The following FHIP2B variants were observed in gnomAD, a reference collection of about 807,000 sequenced individuals.
FHIP2B encodes FHF complex subunit HOOK interacting protein 2B, also known as FHF complex subunit HOOK-interacting protein 2B.
A neutral mutation model predicts 84.0 loss-of-function variants in FHIP2B; 72 were observed. The observed-to-expected ratio is 0.86, with a 90% confidence interval of 0.71 to 1.04. FHIP2B has a LOEUF of 1.04. Ranked by LOEUF, FHIP2B falls within the 50% of genes least tolerant of loss-of-function variation. The pLI is 0.00. For synonymous variants in FHIP2B, 497 were observed against 418.7 expected (o/e 1.19, Z -2.28); for missense variants, 972 against 968.9 (o/e 1.00, Z -0.04).
rs1230190702 is a variant in FHIP2B, at chr8:22,089,169, G to A, written c.-85G>A. 3 of 902,148 alleles carry A rather than the reference G, an allele frequency of 3.3e-6. No homozygotes were observed. The highest frequency in any genetic ancestry group is 8.1e-5 in the East Asian group (1 of 12,368). The allele number at this position is 902,148 out of a possible 1,614,324, so 55.9% of individuals were successfully genotyped here. ...GGCCCCGCCCCCCTCGTCGCGCCGG[G>A]GCCGCCGGGGCCACGGGGCTGCCTC... On this transcript the variant is annotated 5_prime_UTR_variant, in exon 1 of 17. Coordinates refer to ENST00000289921, the MANE Select transcript of FHIP2B (RefSeq NM_022749.7).
chr8:22,092,184 C>T (rs1825526582), intron 1 of FHIP2B, among the ~76,000 whole-genome samples: 1 of 152,198 alleles, frequency 6.6e-6, no homozygotes, highest in South Asian at 2.1e-4. Context: ...GAATGTCATC[C>T]CTCCCTCCCC....
In FHIP2B at chr8:22,096,607, G is replaced by A. The variant is rs1373842531; in HGVS notation, c.297+98G>A. 6.4e-6 allele frequency: 9 copies of A among 1,395,534 alleles called. No homozygotes were observed. The East Asian group carries it at 1.1e-4, about 17-fold the overall frequency. The allele number at this position is 1,395,534 out of a possible 1,614,324, so 86.4% of individuals were successfully genotyped here. A position where few individuals can be genotyped will look rare whatever the true frequency, so the allele number is the denominator to read the frequency against. On this transcript the variant is annotated intron_variant, in intron 3 of 16. Transcript: ENST00000289921. ...AGGCCTCTGTGCGCTGGGCCAGGCC[G>A]AGGTGGGAGACCCTCTGAGTGCTGG...
chr8:22,099,379 C>T lies in FHIP2B; in HGVS notation c.1151+19C>T, dbSNP rs1469708315. 1 of 1,611,824 alleles carries T rather than the reference C, an allele frequency of 6.2e-7. No individual in the cohort carries two copies. Among genetic ancestry groups the T allele is most frequent in the East Asian group, 2.2e-5 (1 of 44,856 alleles). On this transcript the variant is annotated intron_variant, in intron 9 of 16. Transcript: ENST00000289921. Reference sequence around the variant, plus strand: ...TGCACGTGTAAGTGTCTAGTTCCCTCAGGCATGACTGTGGTCTACAGTAAA... The same window carrying T: ...TGCACGTGTAAGTGTCTAGTTCCCTTAGGCATGACTGTGGTCTACAGTAAA...
intron 2 of FHIP2B, 180 bp downstream of exon 2, chr8:22,094,698 A>G: frequency 1.4e-6 from 2 of 1,421,164 alleles, no homozygotes; most frequent in Admixed American, 3.3e-5. Context: ...GGGCCACTCC[A>G]CTCCTGATGA....
intron 1 of FHIP2B, among the ~76,000 whole-genome samples, chr8:22,091,885 C>G (rs1386938825): frequency 1.3e-5 from 2 of 152,168 alleles, no homozygotes; most frequent in African/African-American, 2.4e-5. Flanking sequence ...CCTGAGATAT[C>G]TGGTAAATAT....
intron 1 of FHIP2B, among the ~76,000 whole-genome samples, chr8:22,093,861 G>T (rs1040210522): frequency 1.3e-5 from 2 of 151,650 alleles, no homozygotes; most frequent in African/African-American, 4.9e-5. Flanking sequence ...GGGACTATAG[G>T]CAGACACCAC....
chr8:22,101,798 G>A lies in FHIP2B; in HGVS notation c.1798G>A (p.Glu600Lys), dbSNP rs755430821. The A allele has an allele frequency of 6.2e-6, 10 of 1,613,518 alleles. No homozygotes were observed. The highest frequency in any genetic ancestry group is 2.7e-5 in the African/African-American group (2 of 75,014). Residue 600 changes from glutamate to lysine, a missense_variant, in exon 14 of 17, where the codon GAG becomes AAG. Transcript: ENST00000289921. ...DPHEPERPFFEGHFLRVLFDR... is the reference protein window; with the variant it reads ...DPHEPERPFFKGHFLRVLFDR... ...CCATGAGCCCGAGCGACCTTTCTTC[G>A]AGGGCCACTTCCTCCGAGTGCTGTT...
In FHIP2B at chr8:22,089,281, C is replaced by T. The variant is rs896371231; in HGVS notation, c.28C>T (p.Gln10Ter). The T allele has an allele frequency of 5.8e-6, 6 of 1,043,128 alleles. No homozygotes were observed. Among genetic ancestry groups the T allele is most frequent in the African/African-American group, 1.7e-5 (1 of 58,146 alleles). 64.6% of individuals were successfully genotyped at this position (1,043,128 alleles called of 1,614,324 possible). The change falls in exon 1 of 17, where the codon CAG becomes TAG. Residue 10 changes from glutamine (Q) to a stop codon, truncating the protein, a stop_gained. Coordinates refer to ENST00000289921, the MANE Select transcript of FHIP2B (RefSeq NM_022749.7). LOFTEE classifies it high-confidence loss of function. MLSRLGALL[Q>*]EAVGAREPSI... ...GCTGAGCCGGCTCGGGGCGCTGCTG[C>T]AGGAAGCCGTGGGGGCGGTGAGGCC...
At chr8:22,100,291 A>C (rs756243287) in intron 10 of FHIP2B, 1 of 397,250 alleles carries the variant, frequency 2.5e-6, no homozygotes, top group Non-Finnish European at 4.4e-6. Flanking sequence ...GCTAACACGT[A>C]CTACTTCGTG....
chr8:22,097,884 C>T lies in FHIP2B; in HGVS notation c.525+45C>T, dbSNP rs1238947512. ...ACAGGAGGGGGAGGGCCCAGAACCC[C>T]AGGGCAAGCCCCCTCTGCCCTCCTG... On this transcript the variant is annotated intron_variant, in intron 5 of 16. Coordinates refer to ENST00000289921, the MANE Select transcript of FHIP2B (RefSeq NM_022749.7). 5 of 1,598,732 alleles carry T rather than the reference C, an allele frequency of 3.1e-6. No individual in the cohort carries two copies. In the South Asian group the frequency reaches 4.4e-5, roughly 14 times the overall value.
Position 22,104,189 on chromosome 8 carries a change from G to A in FHIP2B, c.*1258G>A, listed in dbSNP as rs967074530. On this transcript the variant is annotated 3_prime_UTR_variant, in exon 17 of 17. Transcript: ENST00000289921. Reference sequence around the variant, plus strand: ...CCGCTCTGAAGAGCACCGTGCACATGTGGGTGCACAAACGTGGGTGTTGGT... The same window carrying A: ...CCGCTCTGAAGAGCACCGTGCACATATGGGTGCACAAACGTGGGTGTTGGT... 2.0e-5 allele frequency: 3 copies of A among 152,416 alleles called. No homozygotes were observed. Among genetic ancestry groups the A allele is most frequent in the Non-Finnish European group, 2.9e-5 (2 of 68,046 alleles). The allele number at this position is 152,416 out of a possible 1,614,324, so 9.4% of individuals were successfully genotyped here. A position where few individuals can be genotyped will look rare whatever the true frequency, so the allele number is the denominator to read the frequency against.
intron 3 of FHIP2B, 119 bp from the exon 4 acceptor site, chr8:22,097,397 G>C: frequency 1.6e-6 from 1 of 625,424 alleles, no homozygotes; most frequent in Non-Finnish European, 2.9e-6. Context: ...GTACCCCCCA[G>C]GCATGCGGCA....
intron 2 of FHIP2B, chr8:22,094,995 C>A: frequency 2.9e-6 from 2 of 686,204 alleles, no homozygotes; most frequent in Non-Finnish European, 1.8e-6. Flanking sequence ...ATGCCTGGGT[C>A]CCTCTCTCCA....
chr8:22,101,735 T>G lies in FHIP2B; in HGVS notation c.1735T>G (p.Ser579Ala). 2 of 1,612,878 alleles carry G rather than the reference T, an allele frequency of 1.2e-6. No individual in the cohort carries two copies. Among genetic ancestry groups the G allele is most frequent in the Non-Finnish European group, 1.7e-6 (2 of 1,179,512 alleles). The change falls in exon 14 of 17, where the codon TCC becomes GCC. Residue 579 changes from serine to alanine, a missense_variant. By Grantham distance (99) the Ser-to-Ala change is moderately conservative. Transcript: ENST00000289921. ...CCAGGAGTGCAGCTCCCGCGTCGCC[T>G]CCTGGGGCTGGCCTCTGACCCCCAC... ...LFQECSSRVA[S>A]WGWPLTPTPL...
At position 22,103,199 on chromosome 8, in the gene FHIP2B, C is replaced by T; in HGVS notation, c.*268C>T. On this transcript the variant is annotated 3_prime_UTR_variant, in exon 17 of 17. Coordinates refer to ENST00000289921, the MANE Select transcript of FHIP2B (RefSeq NM_022749.7). ...GGTGACAGCCAGGTGAGCACCCAGA[C>T]CCCAGACCCTCATGTGCTGTGTGCC... is the stretch of plus-strand genomic sequence containing the variant. The T allele has an allele frequency of 2.0e-6, 1 of 511,086 alleles. No individual in the cohort carries two copies. Among genetic ancestry groups the T allele is most frequent in the South Asian group, 2.2e-5 (1 of 44,606 alleles). 31.7% of individuals were successfully genotyped at this position (511,086 alleles called of 1,614,324 possible).
chr8:22,097,765 G>T lies in FHIP2B; in HGVS notation c.451G>T (p.Glu151Ter), dbSNP rs1161949327. The change falls in exon 5 of 17, where the codon GAG (glutamate) becomes TAG (stop). Residue 151 changes from glutamate to a stop codon, truncating the protein, a stop_gained. Coordinates refer to ENST00000289921, the MANE Select transcript of FHIP2B (RefSeq NM_022749.7). LOFTEE classifies it high-confidence loss of function. ...TGCTTCCGGATCCGTTACAGAAAAG[G>T]AGGAGGTGCAGTTCACCACCGTCCT... ...GTASGSVTEK[E>*]EVQFTTVLCS... 1 of 1,613,510 alleles carries T rather than the reference G, an allele frequency of 6.2e-7. No homozygotes were observed. The highest frequency in any genetic ancestry group is 8.5e-7 in the Non-Finnish European group (1 of 1,179,808).
Position 22,102,779 on chromosome 8 carries a change from C to T in FHIP2B, c.2094-14C>T, listed in dbSNP as rs1004327150. ...CCCCCACCCAGCCATGCCCCCTGTG[C>T]CATCTCCCCTCAGGCTGGACCACCA... is the stretch of plus-strand genomic sequence containing the variant. On this transcript the variant is annotated splice_polypyrimidine_tract_variant and intron_variant, in intron 16 of 16. Transcript: ENST00000289921. 3.7e-6 allele frequency: 6 copies of T among 1,611,794 alleles called. No individual in the cohort carries two copies. Among genetic ancestry groups the T allele is most frequent in the Non-Finnish European group, 8.5e-7 (1 of 1,179,078 alleles).
At chr8:22,102,435 G>C (rs1563603950) in intron 15 of FHIP2B, 93 bp from the exon 16 acceptor site, 1 of 1,526,890 alleles carries the variant, frequency 6.5e-7, no homozygotes. Context: ...GCCAGGGAAA[G>C]CACAGTCTCC....
intron 2 of FHIP2B, 77 bp downstream of exon 2, chr8:22,094,595 G>C (rs1483586684): frequency 6.3e-7 from 1 of 1,592,244 alleles, no homozygotes; most frequent in Non-Finnish European, 8.5e-7. Flanking sequence ...TCACCATTCA[G>C]GTGTCCTGGG....
Sources: gnomAD v4.1 joint callset for allele counts (sites outside exome capture counted in the v4.1 genomes callset) on GRCh38, gnomAD v4.1.1 for gene constraint, MANE v1.5 for transcripts, NCBI Gene and HGNC (gene_info 2026-07-23, HGNC 2026-07-21) for gene names.